Variants in AFDN observed in about 807,000 individuals in gnomAD.
AFDN encodes afadin, adherens junction formation factor, also known as afadin.
AFDN carries 68 observed loss-of-function variants against 216.6 expected under a neutral mutation model. That is an observed-to-expected ratio of 0.31 (90% CI 0.26 to 0.38). AFDN has a LOEUF of 0.38. AFDN is among the 10% of genes least tolerant of loss of function. The probability of loss-of-function intolerance (pLI) is 1.00; values close to 1 mark genes in which losing one functional copy is unlikely to be tolerated. For missense variants in AFDN, 2,136 were observed against 2,342.0 expected, an observed-to-expected ratio of 0.91 and a Z score of 1.82; for synonymous variants, 868 against 853.7, an observed-to-expected ratio of 1.02 and a Z score of -0.29.
chr6:167,880,140 T>C (rs1785927492), intron 5 of AFDN, among the ~76,000 whole-genome samples: 1 of 152,208 alleles, frequency 6.6e-6, no homozygotes, highest in Non-Finnish European at 1.5e-5. Flanking sequence ...GTCTTTGTCA[T>C]GCTGGATTGT....
chr6:167,843,530 T>C (rs1337325514), intron 1 of AFDN, among the ~76,000 whole-genome samples: 4 of 152,184 alleles, frequency 2.6e-5, no homozygotes, highest in Non-Finnish European at 5.9e-5. Flanking sequence ...GAGGACACAA[T>C]GTGCACAGTG....
chr6:167,949,882 A>G (rs139846615), intron 29 of AFDN, among the ~76,000 whole-genome samples: 3 of 152,186 alleles, frequency 2.0e-5, no homozygotes, highest in Non-Finnish European at 2.9e-5. Flanking sequence ...TAGAGGAGAG[A>G]GTTGAGGAAC....
At chr6:167,929,242 T>TA (rs35368105) in intron 23 of AFDN, among the ~76,000 whole-genome samples, 44,743 of 146,524 alleles carry the variant, frequency 0.31, 7,224 homozygotes, top group East Asian at 0.59. Flanking sequence ...TCTCCAGCAT[T>TA]AAAAAAAAAA....
chr6:167,868,005 G>C (rs1183039094), intron 2 of AFDN, among the ~76,000 whole-genome samples: 1 of 152,132 alleles, frequency 6.6e-6, no homozygotes, highest in Admixed American at 6.5e-5. Flanking sequence ...AGACCCTTGT[G>C]CCGTCACCAT....
At chr6:167,848,879 A>G (rs1209534843) in intron 1 of AFDN, among the ~76,000 whole-genome samples, 1 of 152,168 alleles carries the variant, frequency 6.6e-6, no homozygotes, top group East Asian at 1.9e-4. Flanking sequence ...TTCATTTTGT[A>G]TTATTGTATA....
chr6:167,901,214 C>T lies in AFDN; in HGVS notation c.1581-1103C>T, dbSNP rs533568686. On this transcript the variant is annotated intron_variant, in intron 11 of 33. Transcript: ENST00000683244. ...ATATTTTTCAAGTATTATAACGGGA[C>T]ATTTCATTCTTTTTAAATTATGTTT... 2.0e-5 allele frequency among the ~76,000 whole-genome samples: 3 copies of T among 152,250 alleles called. No homozygotes were observed. In the East Asian group the frequency reaches 5.8e-4, roughly 29 times the overall value.
intron 32 of AFDN, chr6:167,966,270 G>T: frequency 1.3e-6 from 2 of 1,516,220 alleles, no homozygotes; most frequent in Non-Finnish European, 1.8e-6. Flanking sequence ...CCACTGCAAA[G>T]GTAGAGGTAA....
rs1488656509 is a variant in AFDN, at chr6:167,918,180, C to A, written c.2710-555C>A. On this transcript the variant is annotated intron_variant, in intron 20 of 33. Transcript: ENST00000683244. ...GATCTGTACAGTTAGGATTTATGAA[C>A]TTTCCTATATGTGGGTAATACATCA... Among the ~76,000 whole-genome samples the A allele has an allele frequency of 2.6e-5, 4 of 152,292 alleles. No homozygotes were observed. In the East Asian group the frequency reaches 7.7e-4, roughly 29 times the overall value.
rs920997896 is a variant in AFDN at position 167,965,958 on chromosome 6, A to C, written c.5170A>C (p.Thr1724Pro). 17 of 1,551,054 alleles carry C rather than the reference A, an allele frequency of 1.1e-5. No homozygotes were observed. The African/African-American group carries it at 1.9e-4, about 17-fold the overall frequency. The change falls in exon 32 of 34, where the codon ACA becomes CCA. Residue 1724 changes from threonine to proline, a missense_variant. Thr to Pro is a conservative substitution (Grantham distance 38). Around this residue, in one of 8 missense-constraint regions of AFDN, gnomAD observed 981 missense variants for 966.0 expected, o/e 1.02. Coordinates refer to ENST00000683244, the MANE Select transcript of AFDN (RefSeq NM_001386888.1). Reference protein sequence around the residue: ...PPQRNASYLKTQVLSPDSLFT... With the variant: ...PPQRNASYLKPQVLSPDSLFT... Reference sequence around the variant, plus strand: ...TCAGCGAAACGCCTCCTACCTCAAAACACAGGTCCTCTCCCCCGACTCGCT... The same window carrying C: ...TCAGCGAAACGCCTCCTACCTCAAACCACAGGTCCTCTCCCCCGACTCGCT...
At position 167,962,131 on chromosome 6, in the gene AFDN, TA is replaced by T. The variant is rs35973868; in HGVS notation, c.4834-298del. ...AACGGGTTAACTAAATTTGTTCCAG[TA>T]AAAGAATTGTGCTTGTTGAATGTGT... On this transcript the variant is annotated intron_variant, in intron 30 of 33. Coordinates refer to ENST00000683244, the MANE Select transcript of AFDN (RefSeq NM_001386888.1). This position sits in a 1 kb window ranked among gnomAD's most constrained non-coding sequence, Gnocchi z 5.2. Among the ~76,000 whole-genome samples the T allele has an allele frequency of 6.6e-6, 1 of 152,226 alleles. No individual in the cohort carries two copies. Among genetic ancestry groups the T allele is most frequent in the Non-Finnish European group, 1.5e-5 (1 of 68,040 alleles).
rs968489578 is a variant in AFDN at position 167,970,410 on chromosome 6, C to T, written c.*475C>T. The T allele has an allele frequency of 7.3e-5, 16 of 220,534 alleles. No homozygotes were observed. The highest frequency in any genetic ancestry group is 2.9e-4 in the Admixed American group (5 of 17,294). The allele number at this position is 220,534 out of a possible 1,614,324, so 13.7% of individuals were successfully genotyped here. A position where few individuals can be genotyped will look rare whatever the true frequency, so the allele number is the denominator to read the frequency against. ...TTGGCACTGTTTAGTAGTGACCACA[C>T]GCTCTTCTACCCGGGAAGGAACATA... is the stretch of plus-strand genomic sequence containing the variant. On this transcript the variant is annotated 3_prime_UTR_variant, in exon 34 of 34. Coordinates refer to ENST00000683244, the MANE Select transcript of AFDN (RefSeq NM_001386888.1).
At chr6:167,903,505 C>T (rs1029755511) in intron 12 of AFDN, among the ~76,000 whole-genome samples, 18 of 152,222 alleles carry the variant, frequency 1.2e-4, no homozygotes, top group African/African-American at 4.3e-4. Flanking sequence ...CCGTTTCCTC[C>T]ACCTTTCATT....
intron 20 of AFDN, among the ~76,000 whole-genome samples, 160 bp downstream of exon 20, chr6:167,917,392 CAG>C (rs1489066163): frequency 3.9e-5 from 6 of 152,318 alleles, no homozygotes; most frequent in Middle Eastern, 3.4e-3. Context: ...AATGAAAAAA[CAG>C]AAACTATACT....
intron 12 of AFDN, among the ~76,000 whole-genome samples, chr6:167,903,824 C>T (rs1789296772): frequency 6.6e-6 from 1 of 152,204 alleles, no homozygotes; most frequent in African/African-American, 2.4e-5. Context: ...TCCACAGGGA[C>T]TGTCTGTCAG....
intron 2 of AFDN, among the ~76,000 whole-genome samples, chr6:167,868,183 A>G (rs1274022870): frequency 2.6e-5 from 4 of 152,178 alleles, no homozygotes; most frequent in Non-Finnish European, 4.4e-5. Context: ...ATATATTATT[A>G]CTAATACAGC....
At chr6:167,868,661 T>C (rs549808463) in intron 2 of AFDN, among the ~76,000 whole-genome samples, 1 of 152,264 alleles carries the variant, frequency 6.6e-6, no homozygotes, top group Non-Finnish European at 1.5e-5. Flanking sequence ...ATCATCCTTA[T>C]CAGTTGTCTC....
At chr6:167,892,677 C>T (rs983475885) in intron 8 of AFDN, among the ~76,000 whole-genome samples, 3 of 152,256 alleles carry the variant, frequency 2.0e-5, no homozygotes, top group East Asian at 1.9e-4. Context: ...TGTGTCATAC[C>T]GTGTTCTGGG....
intron 1 of AFDN, among the ~76,000 whole-genome samples, chr6:167,853,862 G>A (rs1782591285): frequency 6.6e-6 from 1 of 152,022 alleles, no homozygotes; most frequent in Non-Finnish European, 1.5e-5. Context: ...GAATATACGA[G>A]AATTTTTTCA....
intron 20 of AFDN, 36 bp downstream of exon 20, chr6:167,917,268 G>C (rs756237493): frequency 6.9e-7 from 1 of 1,458,078 alleles, no homozygotes; most frequent in Non-Finnish European, 9.1e-7. Flanking sequence ...CACAGTGCGG[G>C]ACATGTTTGC....
Sources: allele counts gnomAD v4.1 joint callset (sites outside exome capture counted in the v4.1 genomes callset), GRCh38; gene constraint gnomAD v4.1.1; regional missense constraint gnomAD v4.1.1; non-coding constraint Gnocchi (gnomAD v3.1); transcripts MANE v1.5; gene names NCBI Gene and HGNC (gene_info 2026-07-23, HGNC 2026-07-21).